Variants in WDPCP observed in about 807,000 individuals in gnomAD.
WDPCP encodes the protein WD repeat-containing and planar cell polarity effector protein fritz homolog.
WDPCP carries 71 observed loss-of-function variants against 93.1 expected under a neutral mutation model. The ratio of observed to expected loss-of-function variants is 0.76; its 90% confidence interval spans 0.63 to 0.93. The LOEUF (loss-of-function observed/expected upper bound fraction) is 0.93, where lower values mean the gene tolerates loss of function less well. Among genes scored for constraint, WDPCP ranks in the 40% least tolerant of loss-of-function variants. The pLI is 0.00. For missense variants in WDPCP, 844 were observed against 887.4 expected (o/e 0.95, Z 0.62); for synonymous variants, 315 against 315.0 (o/e 1.00, Z 0.00).
chr2:63,391,568 G>T (rs1693251834), intron 10 of WDPCP, among the ~76,000 whole-genome samples: 1 of 152,082 alleles, frequency 6.6e-6, no homozygotes, highest in South Asian at 2.1e-4. Flanking sequence ...GAAATAAAGG[G>T]TATTCCATTA....
chr2:63,840,316 T>A, the WDPCP span, among the ~76,000 whole-genome samples: 2 of 152,246 alleles, frequency 1.3e-5, no homozygotes, highest in Non-Finnish European at 2.9e-5. Flanking sequence ...TGTAACATCC[T>A]CTTTCCTTGA....
chr2:63,494,305 T>C (rs1232843213), intron 1 of WDPCP, among the ~76,000 whole-genome samples: 14 of 68,776 alleles, frequency 2.0e-4, no homozygotes, highest in South Asian at 1.5e-3. Context: ...ACGACGACAA[T>C]GATGATGACG....
At chr2:63,434,647 C>A (rs1381410170) in intron 8 of WDPCP, among the ~76,000 whole-genome samples, 1 of 151,842 alleles carries the variant, frequency 6.6e-6, no homozygotes, top group African/African-American at 2.4e-5. Flanking sequence ...AGGTTGATAG[C>A]TTGGAAGAAA....
At chr2:63,148,972 A>C (rs1671715442) in intron 17 of WDPCP, among the ~76,000 whole-genome samples, 1 of 152,210 alleles carries the variant, frequency 6.6e-6, no homozygotes, top group South Asian at 2.1e-4. Context: ...GATTGGAAAT[A>C]AGGAAGGACA....
At chr2:63,245,054 A>G (rs1680165834) in intron 14 of WDPCP, among the ~76,000 whole-genome samples, 1 of 152,194 alleles carries the variant, frequency 6.6e-6, no homozygotes, top group African/African-American at 2.4e-5. Flanking sequence ...ACCGCCTGTG[A>G]CAGGTGGCAA....
At chr2:63,431,050 G>A (rs1696719803) in intron 9 of WDPCP, among the ~76,000 whole-genome samples, 1 of 152,062 alleles carries the variant, frequency 6.6e-6, no homozygotes, top group Non-Finnish European at 1.5e-5. Context: ...TCAGCTGCTT[G>A]GTAAGCCAAT....
upstream of WDPCP, chr2:63,593,604 A>G (rs774306405): frequency 2.1e-6 from 1 of 471,744 alleles, no homozygotes; most frequent in Middle Eastern, 3.2e-4. Context: ...GCTTAGTCAC[A>G]TCAGTGGACC....
At chr2:63,519,871 C>T (rs1558746492) in intron 1 of WDPCP, among the ~76,000 whole-genome samples, 1 of 152,140 alleles carries the variant, frequency 6.6e-6, no homozygotes. Context: ...AGCAATGGTT[C>T]TTAACCAAGC....
At chr2:63,837,023 T>G in the WDPCP span, among the ~76,000 whole-genome samples, 1 of 152,240 alleles carries the variant, frequency 6.6e-6, no homozygotes, top group African/African-American at 2.4e-5. Flanking sequence ...TTGCTACTGC[T>G]CTGATGTAAA....
At chr2:63,426,876 G>T (rs1335685041) in intron 9 of WDPCP, among the ~76,000 whole-genome samples, 2 of 152,076 alleles carry the variant, frequency 1.3e-5, no homozygotes, top group Admixed American at 6.6e-5. Flanking sequence ...TATGAAAGGG[G>T]AAAGAAACTA....
At chr2:63,599,379 G>T in intron 3 of WDPCP, 12 of 1,406,218 alleles carry the variant, frequency 8.5e-6, no homozygotes, top group East Asian at 7.8e-5. Context: ...CTGAGTTTGT[G>T]CTTTTTTCTT....
rs370860690 is a variant in WDPCP, at chr2:63,167,888, G to GTGGA, written c.2078+6778_2078+6781dup. 2.2e-3 allele frequency among the ~76,000 whole-genome samples: 338 copies of GTGGA among 152,220 alleles called. 2 individuals carry two copies. Among genetic ancestry groups the GTGGA allele is most frequent in the African/African-American group, 7.7e-3 (318 of 41,562 alleles). ...CCAGCACTTTGGGAGGCCAAGGCAG[G>GTGGA]TGGATCACTTGAGCCCAGAAGTTCA... On this transcript the variant is annotated intron_variant, in intron 15 of 17. Coordinates refer to ENST00000272321, the MANE Select transcript of WDPCP (RefSeq NM_015910.7).
At chr2:63,676,613 C>A (rs1575744956) in intron 2 of WDPCP, among the ~76,000 whole-genome samples, 1 of 152,056 alleles carries the variant, frequency 6.6e-6, no homozygotes, top group South Asian at 2.1e-4. Flanking sequence ...TTTTGTCTAA[C>A]AATCGTGGAA....
At chr2:63,575,201 G>A (rs935738247) in intron 1 of WDPCP, among the ~76,000 whole-genome samples, 3 of 150,810 alleles carry the variant, frequency 2.0e-5, no homozygotes, top group Non-Finnish European at 3.0e-5. Flanking sequence ...ATTTCTCTAT[G>A]TTACATAATA....
At chr2:63,307,391 T>G (rs1046423903) in intron 13 of WDPCP, among the ~76,000 whole-genome samples, 7 of 152,116 alleles carry the variant, frequency 4.6e-5, no homozygotes, top group African/African-American at 9.7e-5. Context: ...CAAAACTACT[T>G]TAAATTTTAT....
intron 1 of WDPCP, among the ~76,000 whole-genome samples, chr2:63,540,862 T>C (rs563590749): frequency 5.2e-4 from 79 of 151,718 alleles, no homozygotes; most frequent in African/African-American, 1.8e-3. Flanking sequence ...CAAGTGATCC[T>C]CCCTCCAAGT....
At chr2:63,406,968 C>G (rs886694082) in intron 9 of WDPCP, among the ~76,000 whole-genome samples, 5 of 152,152 alleles carry the variant, frequency 3.3e-5, no homozygotes, top group Non-Finnish European at 7.4e-5. Context: ...CAGCTTTAAA[C>G]ATTCAGTATG....
chr2:63,562,091 T>C (rs997029949), intron 1 of WDPCP, among the ~76,000 whole-genome samples: 14 of 152,168 alleles, frequency 9.2e-5, no homozygotes, highest in Non-Finnish European at 1.6e-4. Context: ...TGCAGCACCA[T>C]TCACAATAGC....
chr2:63,523,872 T>C (rs962176436), intron 1 of WDPCP, among the ~76,000 whole-genome samples: 4 of 151,972 alleles, frequency 2.6e-5, no homozygotes, highest in Non-Finnish European at 5.9e-5. Flanking sequence ...GATCGCACAA[T>C]TGCACTCCAG....
Sources: gnomAD v4.1 joint callset for allele counts (sites outside exome capture counted in the v4.1 genomes callset) on GRCh38, gnomAD v4.1.1 for gene constraint, MANE v1.5 for transcripts, NCBI Gene and HGNC (gene_info 2026-07-23, HGNC 2026-07-21) for gene names.